Variants in PRRX1 observed in about 807,000 individuals in gnomAD.
The protein encoded by PRRX1 is paired mesoderm homeobox protein 1.
A neutral mutation model predicts 24.0 loss-of-function variants in PRRX1; 8 were observed. That is an observed-to-expected ratio of 0.33 (90% CI 0.20 to 0.60). PRRX1 has a LOEUF of 0.60. Among genes scored for constraint, PRRX1 ranks in the 20% least tolerant of loss-of-function variants. PRRX1 has a pLI of 0.82. For synonymous variants in PRRX1, 160 were observed against 131.7 expected (o/e 1.22, Z -1.47); for missense variants, 281 against 322.4 (o/e 0.87, Z 0.98).
intron 1 of PRRX1, among the ~76,000 whole-genome samples, chr1:170,686,562 T>A (rs2101895127): frequency 6.6e-6 from 1 of 152,272 alleles, no homozygotes; most frequent in African/African-American, 2.4e-5. Context: ...GGTAGCTGTT[T>A]GATGAGAACA....
At chr1:170,710,080 GT>G (rs2101910506) in intron 1 of PRRX1, among the ~76,000 whole-genome samples, 1 of 152,238 alleles carries the variant, frequency 6.6e-6, no homozygotes, top group South Asian at 2.1e-4. Context: ...TCCCTGCAGA[GT>G]GCTGTGGGCA....
At chr1:170,717,653 A>T (rs1457607581) in intron 1 of PRRX1, among the ~76,000 whole-genome samples, 1 of 152,050 alleles carries the variant, frequency 6.6e-6, no homozygotes, top group Non-Finnish European at 1.5e-5. Flanking sequence ...TGAAATTCAG[A>T]TAATTGTGCT....
chr1:170,690,003 A>C (rs1004084502), intron 1 of PRRX1, among the ~76,000 whole-genome samples: 20 of 151,744 alleles, frequency 1.3e-4, no homozygotes, highest in African/African-American at 4.6e-4. Context: ...ATCTGTATGA[A>C]ACACTTCTCA....
intron 1 of PRRX1, among the ~76,000 whole-genome samples, chr1:170,683,483 T>C (rs1227968036): frequency 6.6e-6 from 1 of 151,752 alleles, no homozygotes; most frequent in African/African-American, 2.4e-5. Context: ...GTCTCATCTT[T>C]TCTCTGTTTC....
intron 2 of PRRX1, among the ~76,000 whole-genome samples, chr1:170,723,409 A>G (rs1176989841): frequency 3.9e-5 from 6 of 152,154 alleles, no homozygotes; most frequent in African/African-American, 4.8e-5. Context: ...TCAAATTTAC[A>G]TGTCTTCATT....
intron 1 of PRRX1, among the ~76,000 whole-genome samples, chr1:170,674,163 T>A (rs1241328617): frequency 6.6e-6 from 1 of 152,314 alleles, no homozygotes; most frequent in East Asian, 1.9e-4. Flanking sequence ...CCATCCCTGC[T>A]CTAGCAGCCT....
intron 1 of PRRX1, among the ~76,000 whole-genome samples, chr1:170,692,840 G>A (rs1571326727): frequency 2.0e-5 from 3 of 151,392 alleles, no homozygotes; most frequent in East Asian, 3.9e-4. Context: ...ATCATCAAAA[G>A]GCTTACCTTC....
intron 1 of PRRX1, among the ~76,000 whole-genome samples, chr1:170,690,932 T>C (rs905186809): frequency 2.0e-5 from 3 of 152,126 alleles, no homozygotes; most frequent in African/African-American, 4.8e-5. Context: ...TGGTCAGACA[T>C]AGTCCATCAG....
At position 170,736,095 on chromosome 1, in the gene PRRX1, A is replaced by C. The variant is rs1374699350; in HGVS notation, c.647A>C (p.Gln216Pro). Residue 216 changes from glutamine to proline, a missense_variant, in exon 4 of 4, where the codon CAG becomes CCG. Gln to Pro is a moderately conservative substitution (Grantham distance 76, BLOSUM62 -1). Coordinates refer to ENST00000239461, the MANE Select transcript of PRRX1 (RefSeq NM_022716.4). ...ACATGTGCCAACAATAGCCCTGCAC[A>C]GGGCATCAACATGGCCAACAGCATT... The part of the protein sequence containing the change: ...SATCANNSPA[Q>P]GINMANSIAN... 3 of 1,614,056 alleles carry C rather than the reference A, an allele frequency of 1.9e-6. No individual in the cohort carries two copies. The highest frequency in any genetic ancestry group is 2.5e-6 in the Non-Finnish European group (3 of 1,180,002).
chr1:170,705,948 A>T (rs910140793), intron 1 of PRRX1, among the ~76,000 whole-genome samples: 12 of 143,136 alleles, frequency 8.4e-5, no homozygotes, highest in African/African-American at 3.6e-4. Flanking sequence ...ACACACACAC[A>T]CACACACACA....
chr1:170,698,388 C>T (rs1299337678), intron 1 of PRRX1, among the ~76,000 whole-genome samples: 1 of 152,018 alleles, frequency 6.6e-6, no homozygotes, highest in East Asian at 1.9e-4. Flanking sequence ...AACTGAAAAA[C>T]AAAGCGTCTC....
At chr1:170,664,503 G>A in intron 1 of PRRX1, 44 bp downstream of exon 1, 3 of 1,565,600 alleles carry the variant, frequency 1.9e-6, no homozygotes, top group South Asian at 1.2e-5. Flanking sequence ...GCCCGGGACA[G>A]AGGGCGGGGA....
rs552818375 is a variant in PRRX1 at position 170,738,864 on chromosome 1, A to C, written c.*2678A>C. 362 of 229,464 alleles carry C rather than the reference A, an allele frequency of 1.6e-3. No individual in the cohort carries two copies. The highest frequency in any genetic ancestry group is 7.6e-3 in the African/African-American group (346 of 45,246). The allele number at this position is 229,464 out of a possible 1,614,324, so 14.2% of individuals were successfully genotyped here. ...TTTTATCCAATGTCTCAAGCAAGCA[A>C]TGTCTGGGAATATCATAGAGTAACA... On this transcript the variant is annotated 3_prime_UTR_variant, in exon 4 of 4. Transcript: ENST00000239461.
intron 1 of PRRX1, among the ~76,000 whole-genome samples, chr1:170,690,877 G>A (rs552158397): frequency 2.0e-5 from 3 of 152,212 alleles, no homozygotes; most frequent in South Asian, 2.1e-4. Flanking sequence ...AAGTTAGCTC[G>A]ATGCAGTCTT....
intron 1 of PRRX1, among the ~76,000 whole-genome samples, chr1:170,688,017 A>G (rs1653805324): frequency 6.6e-6 from 1 of 152,228 alleles, no homozygotes; most frequent in South Asian, 2.1e-4. Flanking sequence ...ATTTTGATTG[A>G]GAAGCAATGT....
intron 1 of PRRX1, among the ~76,000 whole-genome samples, chr1:170,703,631 A>T (rs1004512128): frequency 6.6e-6 from 1 of 151,582 alleles, no homozygotes; most frequent in African/African-American, 2.4e-5. Context: ...GAACCTCACA[A>T]CAACTCTTTA....
chr1:170,716,810 C>A (rs1654921658), intron 1 of PRRX1, among the ~76,000 whole-genome samples: 1 of 152,316 alleles, frequency 6.6e-6, no homozygotes, highest in African/African-American at 2.4e-5. Flanking sequence ...CCCCTGTATT[C>A]AACCAGAGCC....
chr1:170,733,441 A>G lies in PRRX1; in HGVS notation c.600-2607A>G, dbSNP rs963148577. 2.0e-5 allele frequency among the ~76,000 whole-genome samples: 3 copies of G among 152,164 alleles called. No homozygotes were observed. The South Asian group carries it at 6.2e-4, about 31-fold the overall frequency. On this transcript the variant is annotated intron_variant, in intron 3 of 3. Transcript: ENST00000239461. ...TCTCAAAAAACACATCATCTTTCAG[A>G]AAATTAGACCAAGTACTTAAAAGCA...
intron 1 of PRRX1, among the ~76,000 whole-genome samples, chr1:170,676,355 T>C (rs1268830910): frequency 6.6e-6 from 1 of 151,990 alleles, no homozygotes; most frequent in Non-Finnish European, 1.5e-5. Context: ...TACTTCACAT[T>C]CTTTTTTTTT....
Sources: allele counts gnomAD v4.1 joint callset (sites outside exome capture counted in the v4.1 genomes callset), GRCh38; gene constraint gnomAD v4.1.1; transcripts MANE v1.5; gene names NCBI Gene and HGNC (gene_info 2026-07-23, HGNC 2026-07-21).